The following ATP9A variants were observed in gnomAD, a reference collection of about 807,000 sequenced individuals.
ATP9A encodes the protein ATPase phospholipid transporting 9A.
A neutral mutation model predicts 144.1 loss-of-function variants in ATP9A; 52 were observed. The ratio of observed to expected loss-of-function variants is 0.36; its 90% CI spans 0.29 to 0.45. The LOEUF (loss-of-function observed/expected upper bound fraction) is 0.45, where lower values mean the gene tolerates loss of function less well. Among genes scored for constraint, ATP9A ranks in the 20% least tolerant of loss-of-function variants. The probability of loss-of-function intolerance (pLI) is 1.00; values close to 1 mark genes in which losing one functional copy is unlikely to be tolerated. For synonymous variants in ATP9A, 582 were observed against 557.4 expected, an observed-to-expected ratio of 1.04 and a Z score of -0.62; for missense variants, 947 against 1,392.7, an observed-to-expected ratio of 0.68 and a Z score of 5.09.
At chr20:51,767,079 T>C (rs1022187085) in intron 1 of ATP9A, among the ~76,000 whole-genome samples, 1 of 147,134 alleles carries the variant, frequency 6.8e-6, no homozygotes, top group Non-Finnish European at 1.5e-5. Flanking sequence ...CATTCTTTTT[T>C]TTTTTTTTTT....
Position 51,603,861 on chromosome 20 carries a change from A to G in ATP9A, c.3007+956T>C, listed in dbSNP as rs565273009. ...AGTGGCGTGATCTCAGCTCACTGCAACCTTCGCCTCCCGGGTTCAGGCGAT... is the reference window on the plus strand; with the variant it reads ...AGTGGCGTGATCTCAGCTCACTGCAGCCTTCGCCTCCCGGGTTCAGGCGAT... On this transcript the variant is annotated intron_variant, in intron 27 of 27. Transcript: ENST00000338821. Among the ~76,000 whole-genome samples the G allele has an allele frequency of 2.6e-5, 4 of 152,188 alleles. No homozygotes were observed. The East Asian group carries it at 7.7e-4, about 29-fold the overall frequency.
chr20:51,727,019 C>T (rs62226705), intron 2 of ATP9A, among the ~76,000 whole-genome samples: 10,205 of 147,866 alleles, frequency 0.069, 788 homozygotes, highest in African/African-American at 0.19. Flanking sequence ...TCCAGCCAGG[C>T]GCAGAGGCTC....
In ATP9A at chr20:51,725,932, C is replaced by T; in HGVS notation, c.214G>A (p.Val72Met). The change falls in exon 3 of 28, where the codon GTG becomes ATG. Residue 72 changes from valine (V) to methionine (M), a missense_variant and splice_region_variant. By Grantham distance (21) the Val-to-Met change is conservative. Around this residue, in one of 2 missense-constraint regions of ATP9A, gnomAD observed 770 missense variants for 1,047.9 expected, o/e 0.73. Transcript: ENST00000338821. Reference sequence around the variant, plus strand: ...AAGTATTTGAACTGGTTGAACAGCACCTGGAATGGAGGGAGACAACAGAGA... The same window carrying T: ...AAGTATTTGAACTGGTTGAACAGCATCTGGAATGGAGGGAGACAACAGAGA... ...KYNFFTFLPG[V>M]LFNQFKYFFN... 6.4e-7 allele frequency: 1 copy of T among 1,569,752 alleles called. No homozygotes were observed. The highest frequency in any genetic ancestry group is 8.8e-7 in the Non-Finnish European group (1 of 1,139,850).
intron 1 of ATP9A, among the ~76,000 whole-genome samples, chr20:51,748,459 G>T (rs1383691425): frequency 2.6e-5 from 4 of 152,198 alleles, no homozygotes; most frequent in Non-Finnish European, 4.4e-5. Flanking sequence ...GATTCTGCAA[G>T]ACAAAGACAT....
Position 51,616,327 on chromosome 20 carries a change from C to CT in ATP9A, c.2415+1162dup, listed in dbSNP as rs200526988. Among the ~76,000 whole-genome samples, 603 of 146,258 alleles carry CT rather than the reference C, an allele frequency of 4.1e-3. 13 individuals are homozygous for CT. The East Asian group carries it at 0.053, about 13-fold the overall frequency. ...CCTATACTTCAAACACACTTCTTTTCTTTTTTTTTGAGATGGAGTTTTGCT... is the reference window on the plus strand; with the variant it reads ...CCTATACTTCAAACACACTTCTTTTCTTTTTTTTTTGAGATGGAGTTTTGCT... On this transcript the variant is annotated intron_variant, in intron 22 of 27. Transcript: ENST00000338821.
At chr20:51,680,088 G>T (rs2077493698) in intron 9 of ATP9A, among the ~76,000 whole-genome samples, 1 of 152,072 alleles carries the variant, frequency 6.6e-6, no homozygotes, top group Admixed American at 6.6e-5. Flanking sequence ...AAATTATACA[G>T]GCGTGGTGAT....
intron 4 of ATP9A, among the ~76,000 whole-genome samples, chr20:51,711,852 A>G (rs987415851): frequency 8.3e-6 from 1 of 120,922 alleles, no homozygotes; most frequent in Admixed American, 9.4e-5. Context: ...TTCAATTTCA[A>G]TTTTTTTTTT....
chr20:51,597,532 A>G lies in ATP9A; in HGVS notation c.*3679T>C, dbSNP rs1010294303. 6.6e-6 allele frequency: 1 copy of G among 151,700 alleles called. No homozygotes were observed. The highest frequency in any genetic ancestry group is 1.5e-5 in the Non-Finnish European group (1 of 67,866). 9.4% of individuals were successfully genotyped at this position (151,700 alleles called of 1,614,324 possible). A position where few individuals can be genotyped will look rare whatever the true frequency, so the allele number is the denominator to read the frequency against. On this transcript the variant is annotated 3_prime_UTR_variant, in exon 28 of 28. Coordinates refer to ENST00000338821, the MANE Select transcript of ATP9A (RefSeq NM_006045.3). Reference sequence around the variant, plus strand: ...GATGACATCATTCTCTCGCTCTTTCACACACACACACACCCCCCACACACT... The same window carrying G: ...GATGACATCATTCTCTCGCTCTTTCGCACACACACACACCCCCCACACACT...
intron 1 of ATP9A, among the ~76,000 whole-genome samples, chr20:51,730,525 C>T (rs2077736366): frequency 6.6e-6 from 1 of 152,188 alleles, no homozygotes; most frequent in African/African-American, 2.4e-5. Context: ...AAATTATTTA[C>T]AGTCTTGCAT....
chr20:51,669,878 ACAATG>A, intron 13 of ATP9A, 114 bp downstream of exon 13: 4 of 741,362 alleles, frequency 5.4e-6, no homozygotes, highest in Non-Finnish European at 9.1e-6. Context: ...TTAAAAAAAA[ACAATG>A]AATTGTACTC....
intron 1 of ATP9A, among the ~76,000 whole-genome samples, chr20:51,759,663 G>A (rs1286694510): frequency 1.3e-5 from 2 of 151,834 alleles, no homozygotes; most frequent in Non-Finnish European, 2.9e-5. Flanking sequence ...ACAAGAGCAA[G>A]ATTCTGTCAC....
At chr20:51,671,291 GA>G (rs2122788122) in intron 11 of ATP9A, 34 bp from the exon 12 acceptor site, 1 of 1,604,456 alleles carries the variant, frequency 6.2e-7, no homozygotes, top group South Asian at 1.1e-5. Flanking sequence ...AGGCTAACAG[GA>G]CAGATGTAAG....
intron 4 of ATP9A, among the ~76,000 whole-genome samples, chr20:51,703,401 A>T (rs1452018942): frequency 5.3e-5 from 8 of 152,164 alleles, no homozygotes; most frequent in African/African-American, 1.9e-4. Context: ...AAGGTAAGAG[A>T]TTTTTGCAAA....
chr20:51,696,061 G>A (rs778669196), intron 6 of ATP9A, 32 bp downstream of exon 6: 1 of 1,589,134 alleles, frequency 6.3e-7, no homozygotes, highest in Non-Finnish European at 8.6e-7. Flanking sequence ...AAAGGTTAAT[G>A]GTTATTTTCC....
At chr20:51,682,780 G>A (rs2077505902) in intron 9 of ATP9A, among the ~76,000 whole-genome samples, 1 of 147,266 alleles carries the variant, frequency 6.8e-6, no homozygotes. Flanking sequence ...TTTAGTAGAG[G>A]CGGGGTTTTA....
At chr20:51,603,633 T>A (rs2077151733) in intron 27 of ATP9A, among the ~76,000 whole-genome samples, 1 of 152,038 alleles carries the variant, frequency 6.6e-6, no homozygotes, top group African/African-American at 2.4e-5. Context: ...ACCAGGCTTG[T>A]CCATCTAGAG....
intron 15 of ATP9A, among the ~76,000 whole-genome samples, chr20:51,635,277 C>A (rs189091575): frequency 1.4e-3 from 200 of 147,654 alleles, no homozygotes; most frequent in Non-Finnish European, 2.3e-3. Flanking sequence ...AACAACCCAC[C>A]CAGAGCCAAA....
intron 1 of ATP9A, among the ~76,000 whole-genome samples, chr20:51,767,533 T>C (rs1033568793): frequency 2.0e-5 from 3 of 151,670 alleles, no homozygotes; most frequent in Admixed American, 2.0e-4. Context: ...ACCCGTCCCC[T>C]CTTCCCAAAT....
chr20:51,678,309 T>C (rs556802327), intron 9 of ATP9A, among the ~76,000 whole-genome samples: 3 of 151,942 alleles, frequency 2.0e-5, no homozygotes, highest in African/African-American at 7.2e-5. Flanking sequence ...CTGTGCTCTC[T>C]CCCCCTCACT....
Sources: allele counts gnomAD v4.1 joint callset (sites outside exome capture counted in the v4.1 genomes callset), GRCh38; gene constraint gnomAD v4.1.1; regional missense constraint gnomAD v4.1.1; transcripts MANE v1.5; gene names NCBI Gene and HGNC (gene_info 2026-07-23, HGNC 2026-07-21).